Variants in NRCAM observed in about 807,000 individuals in gnomAD.
The protein encoded by NRCAM is neuronal cell adhesion molecule, also known as NgCAM-related cell adhesion molecule.
NRCAM carries 83 observed loss-of-function variants against 156.5 expected under a neutral mutation model. The ratio of observed to expected loss-of-function variants is 0.53; its 90% CI spans 0.44 to 0.64. The LOEUF (loss-of-function observed/expected upper bound fraction) is 0.64, where lower values mean the gene tolerates loss of function less well. Among genes scored for constraint, NRCAM ranks in the 30% least tolerant of loss-of-function variants. The pLI is 0.00. For synonymous variants in NRCAM, 538 were observed against 563.9 expected, an observed-to-expected ratio of 0.95 and a Z score of 0.65; for missense variants, 1,417 against 1,597.3, an observed-to-expected ratio of 0.89 and a Z score of 1.92.
At chr7:108,211,428 T>C (rs1463400470) in intron 11 of NRCAM, among the ~76,000 whole-genome samples, 2 of 152,176 alleles carry the variant, frequency 1.3e-5, no homozygotes, top group African/African-American at 4.8e-5. Flanking sequence ...GCAGACTCCA[T>C]AGGCTGGGGA....
intron 2 of NRCAM, among the ~76,000 whole-genome samples, chr7:108,326,152 G>A (rs975417713): frequency 2.0e-5 from 3 of 151,966 alleles, no homozygotes. Context: ...AAAAATCTAC[G>A]CATACACATG....
At chr7:108,226,777 C>T (rs2093534806) in intron 8 of NRCAM, among the ~76,000 whole-genome samples, 1 of 151,926 alleles carries the variant, frequency 6.6e-6, no homozygotes, top group African/African-American at 2.4e-5. Flanking sequence ...AAATTGTTAA[C>T]ATGGGTTGCA....
chr7:108,185,622 G>C (rs996298156), intron 20 of NRCAM, among the ~76,000 whole-genome samples: 33 of 151,516 alleles, frequency 2.2e-4, no homozygotes, highest in African/African-American at 8.0e-4. Flanking sequence ...GGGAGGCTGA[G>C]CTAGGAGGAT....
chr7:108,341,133 T>G (rs1484355417), intron 2 of NRCAM, among the ~76,000 whole-genome samples: 1 of 152,162 alleles, frequency 6.6e-6, no homozygotes, highest in East Asian at 1.9e-4. Flanking sequence ...CCCTCATCCA[T>G]GCCCCTTATG....
At chr7:108,389,710 ATTAAT>A (rs1335793899) in intron 2 of NRCAM, among the ~76,000 whole-genome samples, 2 of 152,190 alleles carry the variant, frequency 1.3e-5, no homozygotes, top group Non-Finnish European at 2.9e-5. Context: ...AATAGCTCTT[ATTAAT>A]TTGAGATATG....
chr7:108,280,427 A>C (rs1359025009), intron 3 of NRCAM, among the ~76,000 whole-genome samples: 1 of 152,274 alleles, frequency 6.6e-6, no homozygotes, highest in Non-Finnish European at 1.5e-5. Context: ...CATATCCAGC[A>C]GTCAGCCCAT....
At chr7:108,242,480 C>A (rs2095601384) in intron 3 of NRCAM, among the ~76,000 whole-genome samples, 1 of 152,096 alleles carries the variant, frequency 6.6e-6, no homozygotes, top group African/African-American at 2.4e-5. Flanking sequence ...GACTATCTTT[C>A]TGTGTGTGCA....
intron 13 of NRCAM, among the ~76,000 whole-genome samples, chr7:108,205,796 C>T (rs2080841316): frequency 6.6e-6 from 1 of 152,042 alleles, no homozygotes; most frequent in African/African-American, 2.4e-5. Context: ...GCCCTGTTGC[C>T]CAGGCTGGTC....
intron 3 of NRCAM, among the ~76,000 whole-genome samples, chr7:108,295,035 C>T (rs2098425069): frequency 6.6e-6 from 1 of 152,118 alleles, no homozygotes; most frequent in African/African-American, 2.4e-5. Context: ...CTACTAATAA[C>T]AACAGGGGTT....
chr7:108,154,767 G>A (rs1361081662), intron 32 of NRCAM, among the ~76,000 whole-genome samples: 1 of 152,056 alleles, frequency 6.6e-6, no homozygotes, highest in Non-Finnish European at 1.5e-5. Flanking sequence ...CTGGGTTTGT[G>A]TTCAACAAGC....
At chr7:108,427,056 G>C (rs577842547) in intron 1 of NRCAM, among the ~76,000 whole-genome samples, 1 of 152,268 alleles carries the variant, frequency 6.6e-6, no homozygotes, top group East Asian at 1.9e-4. Flanking sequence ...ACTCAAGCCA[G>C]AGTTACTTAC....
intron 30 of NRCAM, among the ~76,000 whole-genome samples, chr7:108,161,890 A>ATTAG (rs113089119): frequency 0.16 from 24,229 of 152,170 alleles, 2,551 homozygotes; most frequent in African/African-American, 0.31. Context: ...CTCGTGCCTT[A>ATTAG]TTAGAGAAGT....
At chr7:108,264,433 G>A (rs1405894820) in intron 3 of NRCAM, among the ~76,000 whole-genome samples, 5 of 152,110 alleles carry the variant, frequency 3.3e-5, no homozygotes, top group African/African-American at 9.7e-5. Context: ...TGCACAACTG[G>A]GACTATGGGG....
intron 3 of NRCAM, among the ~76,000 whole-genome samples, chr7:108,287,392 A>G (rs1469890916): frequency 2.6e-5 from 4 of 152,206 alleles, no homozygotes; most frequent in South Asian, 4.2e-4. Flanking sequence ...TAAACAGACA[A>G]CCTACAAAAT....
At chr7:108,212,051 G>A (rs1478302941) in intron 11 of NRCAM, among the ~76,000 whole-genome samples, 3 of 152,188 alleles carry the variant, frequency 2.0e-5, no homozygotes, top group Non-Finnish European at 2.9e-5. Flanking sequence ...TGGAGAGGCC[G>A]ATGGTTCACA....
intron 3 of NRCAM, among the ~76,000 whole-genome samples, chr7:108,268,888 G>A (rs555913703): frequency 1.1e-4 from 17 of 152,308 alleles, no homozygotes; most frequent in East Asian, 7.7e-4. Flanking sequence ...ACTTTGTGCC[G>A]GGCACTGCTC....
chr7:108,361,609 G>C (rs1386803635), intron 2 of NRCAM, among the ~76,000 whole-genome samples: 2 of 152,116 alleles, frequency 1.3e-5, no homozygotes, highest in African/African-American at 4.8e-5. Flanking sequence ...CCAGCCTTCA[G>C]ACCAAAATTA....
chr7:108,190,379 A>C (rs2070485588), intron 19 of NRCAM, among the ~76,000 whole-genome samples: 1 of 152,190 alleles, frequency 6.6e-6, no homozygotes, highest in Admixed American at 6.5e-5. Context: ...GGTGCTTCTG[A>C]GATCCAGAGA....
chr7:108,166,587 G>T (rs1243927465), intron 30 of NRCAM, among the ~76,000 whole-genome samples: 1 of 151,960 alleles, frequency 6.6e-6, no homozygotes, highest in Non-Finnish European at 1.5e-5. Flanking sequence ...ATCTTCAAAA[G>T]CACTTAAAAA....
Sources: gnomAD v4.1 joint callset for allele counts (sites outside exome capture counted in the v4.1 genomes callset) on GRCh38, gnomAD v4.1.1 for gene constraint, MANE v1.5 for transcripts, NCBI Gene and HGNC (gene_info 2026-07-23, HGNC 2026-07-21) for gene names.